TUBB8B: variants seen among roughly 807,000 people sequenced by gnomAD.
TUBB8B encodes the protein HSA18p11 beta-tubulin 4Q pseudogene.
Under a neutral mutation model 31.9 loss-of-function variants are expected in TUBB8B, and 26 were observed. The ratio of observed to expected loss-of-function variants is 0.81; its 90% CI spans 0.60 to 1.13. TUBB8B has a LOEUF of 1.13. Among genes scored for constraint, TUBB8B ranks in the 50% most tolerant of loss-of-function variants. TUBB8B has a pLI of 0.00. For missense variants in TUBB8B, 467 were observed against 586.7 expected (o/e 0.80, Z 2.11); for synonymous variants, 173 against 231.0 (o/e 0.75, Z 2.28).
At chr18:59,861 T>A in the TUBB8B span, among the ~76,000 whole-genome samples, 1 of 151,816 alleles carries the variant, frequency 6.6e-6, no homozygotes, top group Non-Finnish European at 1.5e-5. Flanking sequence ...TCTATTTATA[T>A]GATATATCAC....
chr18:55,360 G>A, the TUBB8B span, among the ~76,000 whole-genome samples: 3 of 151,918 alleles, frequency 2.0e-5, no homozygotes, highest in African/African-American at 7.2e-5. Context: ...CAGCCTCCCA[G>A]AGTGCTGGGA....
At chr18:72,467 CA>C in the TUBB8B span, among the ~76,000 whole-genome samples, 1 of 147,662 alleles carries the variant, frequency 6.8e-6, no homozygotes, top group Non-Finnish European at 1.5e-5. Context: ...ACTTTCTCGA[CA>C]AAAGAAAAAC....
At chr18:55,015 T>G in the TUBB8B span, among the ~76,000 whole-genome samples, 1 of 151,972 alleles carries the variant, frequency 6.6e-6, no homozygotes, top group Non-Finnish European at 1.5e-5. Flanking sequence ...ATTGATTATA[T>G]TTTTTTCTAT....
upstream of TUBB8B, chr18:49,787 T>C (rs1476383709): frequency 1.5e-6 from 1 of 649,286 alleles, no homozygotes; most frequent in Non-Finnish European, 2.8e-6. Context: ...CTATGGTCCC[T>C]TCCACGTTGG....
chr18:48,752 C>T (rs1194617711), intron 3 of TUBB8B, 188 bp downstream of exon 3: 1 of 706,342 alleles, frequency 1.4e-6, no homozygotes, highest in Non-Finnish European at 2.6e-6. Flanking sequence ...TAGCTCCTCA[C>T]CTTGAGGAGA....
At chr18:59,596 T>C in the TUBB8B span, among the ~76,000 whole-genome samples, 1 of 147,084 alleles carries the variant, frequency 6.8e-6, no homozygotes, top group South Asian at 2.1e-4. Context: ...CAGGCTGGAG[T>C]GCAATGGCAT....
At chr18:57,057 C>T in the TUBB8B span, among the ~76,000 whole-genome samples, 8 of 151,830 alleles carry the variant, frequency 5.3e-5, no homozygotes, top group Non-Finnish European at 8.8e-5. Flanking sequence ...CCGACTAGGC[C>T]CACTTCCAAC....
At chr18:68,217 A>C in the TUBB8B span, among the ~76,000 whole-genome samples, 1 of 152,150 alleles carries the variant, frequency 6.6e-6, no homozygotes, top group African/African-American at 2.4e-5. Context: ...TTGCAATAGC[A>C]GTGTAAAGTG....
At chr18:62,785 T>C in the TUBB8B span, among the ~76,000 whole-genome samples, 725 of 151,950 alleles carry the variant, frequency 4.8e-3, 12 homozygotes, top group African/African-American at 0.016. Flanking sequence ...CTTAGATTCC[T>C]ATTTTGAGGC....
chr18:67,710 G>C, the TUBB8B span, among the ~76,000 whole-genome samples: 14 of 152,102 alleles, frequency 9.2e-5, no homozygotes. Flanking sequence ...GGTGTTTTCA[G>C]AAGAGGTATC....
At chr18:72,571 C>CA in the TUBB8B span, among the ~76,000 whole-genome samples, 1 of 152,138 alleles carries the variant, frequency 6.6e-6, no homozygotes. Flanking sequence ...AGGTCTCGCT[C>CA]TGTTGCCCAG....
chr18:54,962 C>T, the TUBB8B span, among the ~76,000 whole-genome samples: 1 of 151,928 alleles, frequency 6.6e-6, no homozygotes, highest in Non-Finnish European at 1.5e-5. Flanking sequence ...ATTTGTATGT[C>T]TTCTTTTCAT....
At chr18:62,268 C>A in the TUBB8B span, among the ~76,000 whole-genome samples, 3 of 151,476 alleles carry the variant, frequency 2.0e-5, no homozygotes, top group Non-Finnish European at 2.9e-5. Context: ...AGAATCATAT[C>A]TTTATCCTTA....
the TUBB8B span, among the ~76,000 whole-genome samples, chr18:59,189 T>G: frequency 6.6e-6 from 1 of 151,864 alleles, no homozygotes; most frequent in African/African-American, 2.4e-5. Context: ...TCTTTACGTT[T>G]TTCCAAATAT....
At chr18:64,073 C>A in the TUBB8B span, among the ~76,000 whole-genome samples, 3 of 151,888 alleles carry the variant, frequency 2.0e-5, no homozygotes, top group African/African-American at 7.3e-5. Context: ...AACCCCAACA[C>A]TAACCCCTAA....
chr18:50,062 C>G (rs1422055910), upstream of TUBB8B: 1 of 371,094 alleles, frequency 2.7e-6, no homozygotes, highest in Non-Finnish European at 5.3e-6. Flanking sequence ...AGTTCAAACC[C>G]GCAGTAAGCT....
upstream of TUBB8B, among the ~76,000 whole-genome samples, chr18:54,514 C>A (rs1906222647): frequency 6.6e-6 from 1 of 151,716 alleles, no homozygotes; most frequent in African/African-American, 2.4e-5. Context: ...CATTTCACAT[C>A]CCCACTAACC....
chr18:71,763 A>C, the TUBB8B span, among the ~76,000 whole-genome samples: 1 of 147,998 alleles, frequency 6.8e-6, no homozygotes, highest in East Asian at 2.1e-4. Flanking sequence ...CAAGCCTTTA[A>C]TCCCAGCTAC....
the TUBB8B span, among the ~76,000 whole-genome samples, chr18:70,638 A>T: frequency 1.3e-5 from 2 of 151,630 alleles, no homozygotes; most frequent in African/African-American, 4.9e-5. Flanking sequence ...GCATCTCAAA[A>T]AAGAAAAAGA....
Sources: allele counts gnomAD v4.1 joint callset (sites outside exome capture counted in the v4.1 genomes callset), GRCh38; gene constraint gnomAD v4.1.1; transcripts MANE v1.5; gene names NCBI Gene and HGNC (gene_info 2026-07-23, HGNC 2026-07-21).